The following POU6F2 variants were observed in gnomAD, a reference collection of about 807,000 sequenced individuals.
The protein encoded by POU6F2 is POU domain, class 6, transcription factor 2.
Under a neutral mutation model 71.3 loss-of-function variants are expected in POU6F2, and 31 were observed. The observed-to-expected ratio is 0.43, with a 90% CI of 0.33 to 0.59. POU6F2 has a LOEUF of 0.59. POU6F2 is among the 20% of genes least tolerant of loss of function. The pLI, the probability that POU6F2 is intolerant of heterozygous loss-of-function variation, is 0.04. For missense variants in POU6F2, 783 were observed against 856.8 expected, an observed-to-expected ratio of 0.91 and a Z score of 1.07; for synonymous variants, 347 against 355.7, an observed-to-expected ratio of 0.98 and a Z score of 0.27.
At chr7:39,083,657 C>G (rs16880005) in intron 1 of POU6F2, 35,949 of 152,106 alleles carry the variant, frequency 0.24, 4,482 homozygotes, top group South Asian at 0.4. Context: ...ATCCCAGCAA[C>G]AAGACCCAGT....
intron 7 of POU6F2, among the ~76,000 whole-genome samples, chr7:39,446,171 A>C (rs1469464839): frequency 6.6e-6 from 1 of 152,240 alleles, no homozygotes; most frequent in African/African-American, 2.4e-5. Flanking sequence ...TGCCCTTCCC[A>C]CATACTCTGG....
chr7:39,324,215 C>G (rs771878755), intron 4 of POU6F2, among the ~76,000 whole-genome samples: 1 of 151,990 alleles, frequency 6.6e-6, no homozygotes, highest in Admixed American at 6.6e-5. Context: ...ATATGGAAAC[C>G]ATCTGAGGGG....
rs370396819 is a variant in POU6F2 at position 39,160,878 on chromosome 7, CT to C, written c.278-43350del. On this transcript the variant is annotated intron_variant, in intron 2 of 9. Coordinates refer to ENST00000518318, the MANE Select transcript of POU6F2 (RefSeq NM_001370959.1). ...GTGACTTGCTAAGTGAGAGCATTAC[CT>C]TTTTTTGGGTGCCTCTTTCAGTGCC... Among the ~76,000 whole-genome samples, 1,004 of 152,168 alleles carry C rather than the reference CT, an allele frequency of 6.6e-3. 20 individuals are homozygous for C. The highest frequency in any genetic ancestry group is 0.066 in the South Asian group (318 of 4,826).
chr7:39,273,331 CATT>C (rs1385422463), intron 4 of POU6F2, among the ~76,000 whole-genome samples: 2 of 152,178 alleles, frequency 1.3e-5, no homozygotes, highest in Non-Finnish European at 2.9e-5. Flanking sequence ...TGAAGGTTAA[CATT>C]ATCAGCGATG....
chr7:39,067,700 A>G (rs921248271), intron 1 of POU6F2, among the ~76,000 whole-genome samples: 11 of 152,276 alleles, frequency 7.2e-5, no homozygotes, highest in African/African-American at 2.6e-4. Context: ...CATTTTTATA[A>G]TTATTGCTTT....
chr7:39,379,066 T>C (rs11974831), intron 5 of POU6F2, among the ~76,000 whole-genome samples: 158 of 152,150 alleles, frequency 1.0e-3, no homozygotes, highest in African/African-American at 3.7e-3. Context: ...GTAAGATAAG[T>C]CATTGATGGG....
chr7:39,117,724 A>G (rs899975123), intron 2 of POU6F2, among the ~76,000 whole-genome samples: 9 of 152,174 alleles, frequency 5.9e-5, no homozygotes, highest in Non-Finnish European at 1.3e-4. Flanking sequence ...GTTCAGGTAC[A>G]GCTGAAAGTA....
chr7:39,237,108 G>GT (rs1794688736), intron 4 of POU6F2, among the ~76,000 whole-genome samples: 1 of 152,156 alleles, frequency 6.6e-6, no homozygotes, highest in Non-Finnish European at 1.5e-5. Context: ...TTGCCTTGAG[G>GT]GAAAACAGCC....
intron 1 of POU6F2, among the ~76,000 whole-genome samples, chr7:39,051,557 G>C (rs1381807392): frequency 6.6e-6 from 1 of 152,108 alleles, no homozygotes; most frequent in Non-Finnish European, 1.5e-5. Flanking sequence ...TTAATCTTGA[G>C]TATGAAAAGC....
intron 5 of POU6F2, among the ~76,000 whole-genome samples, chr7:39,369,897 T>G (rs142947015): frequency 4.6e-5 from 7 of 151,818 alleles, no homozygotes; most frequent in African/African-American, 7.3e-5. Flanking sequence ...TCTCACTATG[T>G]TGCCCAGGCT....
At chr7:39,008,595 C>G (rs1165212216) in intron 1 of POU6F2, among the ~76,000 whole-genome samples, 1 of 151,312 alleles carries the variant, frequency 6.6e-6, no homozygotes, top group South Asian at 2.1e-4. Context: ...GAAGCCCTTG[C>G]CCATGCCTAT....
At chr7:39,124,666 A>T (rs925542296) in intron 2 of POU6F2, among the ~76,000 whole-genome samples, 6 of 152,158 alleles carry the variant, frequency 3.9e-5, no homozygotes, top group African/African-American at 1.4e-4. Flanking sequence ...AACAAGCAAA[A>T]CCCACCGGTG....
chr7:39,264,045 C>A (rs532656330), intron 4 of POU6F2, among the ~76,000 whole-genome samples: 1 of 152,186 alleles, frequency 6.6e-6, no homozygotes, highest in Non-Finnish European at 1.5e-5. Flanking sequence ...GGAGGTACTT[C>A]TTGACGGTCT....
At chr7:39,335,875 T>G (rs1281260755) in intron 4 of POU6F2, among the ~76,000 whole-genome samples, 1 of 152,226 alleles carries the variant, frequency 6.6e-6, no homozygotes, top group African/African-American at 2.4e-5. Flanking sequence ...CCCAACGCCC[T>G]GCCCTGCCAA....
At position 39,464,508 on chromosome 7, in the gene POU6F2, C is replaced by A. The variant is rs759010617; in HGVS notation, c.1985C>A (p.Ser662Tyr). Residue 662 changes from serine (S) to tyrosine (Y), a missense_variant, in exon 10 of 10, where the codon TCT becomes TAT. By Grantham distance (144) the Ser-to-Tyr change is moderately radical. Coordinates refer to ENST00000518318, the MANE Select transcript of POU6F2 (RefSeq NM_001370959.1). The surrounding 1 kb of genome is among the most constrained non-coding windows in gnomAD (Gnocchi z 4.1). ...CACTTTGAGAAGAACACACACCCTT[C>A]TGGGCAGGAAATGACCGAAATTGCT... ...NAHFEKNTHP[S>Y]GQEMTEIAEK... 1.9e-6 allele frequency: 3 copies of A among 1,613,602 alleles called. No individual in the cohort carries two copies. The Admixed American group carries it at 5.0e-5, about 27-fold the overall frequency.
intron 4 of POU6F2, among the ~76,000 whole-genome samples, chr7:39,214,168 T>G (rs1794195632): frequency 1.3e-5 from 2 of 152,322 alleles, no homozygotes; most frequent in South Asian, 4.1e-4. Flanking sequence ...TGCTTTCTTG[T>G]TCCCTACACC....
intron 7 of POU6F2, among the ~76,000 whole-genome samples, chr7:39,442,819 A>G (rs1263059488): frequency 6.6e-6 from 1 of 152,182 alleles, no homozygotes; most frequent in Non-Finnish European, 1.5e-5. Flanking sequence ...AAGGTGATGA[A>G]TTAGTTAGAA....
chr7:39,133,820 G>T (rs1292027530), intron 2 of POU6F2, among the ~76,000 whole-genome samples: 1 of 152,220 alleles, frequency 6.6e-6, no homozygotes, highest in Non-Finnish European at 1.5e-5. Flanking sequence ...TGGCAGCCCT[G>T]AGGGGCTGGA....
intron 2 of POU6F2, among the ~76,000 whole-genome samples, chr7:39,120,142 T>A (rs921631477): frequency 6.6e-6 from 1 of 152,180 alleles, no homozygotes; most frequent in African/African-American, 2.4e-5. Context: ...ATAAATTCAG[T>A]TCTATATTAT....
Sources: gnomAD v4.1 joint callset for allele counts (sites outside exome capture counted in the v4.1 genomes callset) on GRCh38, gnomAD v4.1.1 for gene constraint, Gnocchi (gnomAD v3.1) non-coding constraint, MANE v1.5 for transcripts, NCBI Gene and HGNC (gene_info 2026-07-23, HGNC 2026-07-21) for gene names.